The following NPAS2 variants were observed in gnomAD, a reference collection of about 807,000 sequenced individuals.
NPAS2 encodes neuronal PAS domain-containing protein 2.
In NPAS2, 23 loss-of-function variants were observed where a neutral mutation model predicts 107.5. That is an observed-to-expected ratio of 0.21 (90% CI 0.15 to 0.30). The LOEUF (loss-of-function observed/expected upper bound fraction) is 0.30. NPAS2 is among the 10% of genes least tolerant of loss of function. NPAS2 has a pLI of 1.00. For synonymous variants in NPAS2, 403 were observed against 417.5 expected (o/e 0.97, Z 0.42); for missense variants, 756 against 1,043.3 (o/e 0.72, Z 3.79).
At chr2:100,862,083 T>TTTTA in intron 1 of NPAS2, among the ~76,000 whole-genome samples, 3 of 152,174 alleles carry the variant, frequency 2.0e-5, no homozygotes, top group Non-Finnish European at 4.4e-5. Flanking sequence ...TAAAAATAGA[T>TTTTA]TGTGGATAAA....
intron 1 of NPAS2, among the ~76,000 whole-genome samples, chr2:100,895,583 T>A (rs1001787263): frequency 6.6e-6 from 1 of 152,214 alleles, no homozygotes; most frequent in Non-Finnish European, 1.5e-5. Flanking sequence ...GGTGGCTGTC[T>A]GCCAATTCCC....
intron 19 of NPAS2, among the ~76,000 whole-genome samples, chr2:100,992,330 A>G (rs758493243): frequency 1.1e-4 from 17 of 152,152 alleles, no homozygotes; most frequent in Non-Finnish European, 1.8e-4. Context: ...CAGGAGAATC[A>G]CTTGAACTTC....
Position 100,968,228 on chromosome 2 carries a change from G to T in NPAS2, c.908-53G>T. 6.4e-7 allele frequency: 1 copy of T among 1,570,812 alleles called. No homozygotes were observed. Among genetic ancestry groups the T allele is most frequent in the South Asian group, 1.1e-5 (1 of 88,716 alleles). On this transcript the variant is annotated intron_variant, in intron 10 of 20. Transcript: ENST00000335681. The surrounding 1 kb of genome is among the most constrained non-coding windows in gnomAD (Gnocchi z 5.3). ...TCTTTACAATAACTCTTGGGGAAAA[G>T]ATCATTTTCATATTAACATTGGTTA...
chr2:100,921,123 C>T (rs1683199367), intron 2 of NPAS2, among the ~76,000 whole-genome samples: 1 of 152,236 alleles, frequency 6.6e-6, no homozygotes, highest in African/African-American at 2.4e-5. Context: ...ACAGATCCCG[C>T]CACAGTGATT....
chr2:100,842,308 C>G (rs993004606), intron 1 of NPAS2, among the ~76,000 whole-genome samples: 3 of 152,156 alleles, frequency 2.0e-5, no homozygotes, highest in African/African-American at 7.2e-5. Flanking sequence ...ATCCCATCTC[C>G]AAGGAGCTAA....
intron 1 of NPAS2, among the ~76,000 whole-genome samples, chr2:100,889,302 C>G (rs1680908126): frequency 6.6e-6 from 1 of 152,248 alleles, no homozygotes. Flanking sequence ...ATACTCGGCC[C>G]TACATTGCCT....
At position 100,990,480 on chromosome 2, in the gene NPAS2, G is replaced by A. The variant is rs761075769; in HGVS notation, c.2018+34G>A. 5 of 1,606,908 alleles carry A rather than the reference G, an allele frequency of 3.1e-6. No individual in the cohort carries two copies. In the East Asian group the frequency reaches 8.9e-5, roughly 29 times the overall value. On this transcript the variant is annotated intron_variant, in intron 18 of 20. Transcript: ENST00000335681. ...CTGCCCTTGTTTAAAGGATAACCCA[G>A]GCATCATTTTACCCCATTCATTTCA...
At chr2:100,990,471 G>A in intron 18 of NPAS2, 25 bp downstream of exon 18, 1 of 1,611,104 alleles carries the variant, frequency 6.2e-7, no homozygotes, top group East Asian at 2.2e-5. Context: ...TTGTTTAAAG[G>A]ATAACCCAGG....
intron 5 of NPAS2, among the ~76,000 whole-genome samples, chr2:100,939,214 C>T (rs1674424199): frequency 6.6e-6 from 1 of 152,194 alleles, no homozygotes. Flanking sequence ...CCGCTGCCTA[C>T]ATTTTTCTTT....
chr2:100,900,237 A>G (rs1175001826), intron 1 of NPAS2, among the ~76,000 whole-genome samples: 2 of 152,238 alleles, frequency 1.3e-5, no homozygotes, highest in African/African-American at 4.8e-5. Flanking sequence ...ATAAACTTCT[A>G]TGATCAGTAT....
At chr2:100,939,458 C>CTTGATTT (rs1369924999) in intron 5 of NPAS2, among the ~76,000 whole-genome samples, 15 of 152,126 alleles carry the variant, frequency 9.9e-5, no homozygotes, top group Non-Finnish European at 1.9e-4. Flanking sequence ...GCAGCTGCAC[C>CTTGATTT]TTGATTTTCA....
intron 4 of NPAS2, chr2:100,934,300 GCCTGTAGCACAA>G (rs1415541857): frequency 6.7e-6 from 1 of 148,170 alleles, no homozygotes; most frequent in Non-Finnish European, 1.5e-5. Context: ...TTTTTTAAGA[GCCTGTAGCACAA>G]CCTTTTTTTT....
At chr2:100,989,601 T>G (rs577964008) in intron 17 of NPAS2, 18 of 152,334 alleles carry the variant, frequency 1.2e-4, no homozygotes, top group African/African-American at 4.3e-4. Context: ...CCAAAGCAGG[T>G]GCAAGCCCAC....
chr2:100,944,669 A>C (rs1674779006), intron 5 of NPAS2, among the ~76,000 whole-genome samples: 1 of 152,250 alleles, frequency 6.6e-6, no homozygotes, highest in African/African-American at 2.4e-5. Flanking sequence ...GAAGTAGCAT[A>C]ATAGCAATGT....
Position 100,932,945 on chromosome 2 carries a change from C to A in NPAS2, c.217C>A (p.Gln73Lys), listed in dbSNP as rs895884491. Residue 73 changes from glutamine (Q) to lysine (K), a missense_variant, in exon 4 of 21, where the codon CAA becomes AAA. Gln to Lys is a moderately conservative substitution (Grantham distance 53). Transcript: ENST00000335681. ...SAQTEICDIQ[Q>K]DWKPSFLSNE... ...GCAAACGGAAATCTGTGACATTCAG[C>A]AAGACTGGAAGCCTTCATTCCTCAG... The A allele has an allele frequency of 1.9e-6, 3 of 1,613,938 alleles. No individual in the cohort carries two copies. The highest frequency in any genetic ancestry group is 2.7e-5 in the African/African-American group (2 of 74,916).
Position 100,990,851 on chromosome 2 carries a change from G to C in NPAS2, c.2090G>C (p.Ser697Thr), listed in dbSNP as rs1195817301. The C allele has an allele frequency of 1.2e-6, 2 of 1,614,034 alleles. No homozygotes were observed. The highest frequency in any genetic ancestry group is 1.7e-6 in the Non-Finnish European group (2 of 1,180,026). Residue 697 changes from serine (S) to threonine (T), a missense_variant, in exon 19 of 21, where the codon AGC becomes ACC. Physicochemically the swap from Ser to Thr is moderately conservative, Grantham distance 58. This residue lies in a region of NPAS2 where 496 missense variants were observed against 594.4 expected (regional missense o/e 0.83). Coordinates refer to ENST00000335681, the MANE Select transcript of NPAS2 (RefSeq NM_002518.4). ...GACGCAAGGCAGCCCTCGGAAGTCA[G>C]CAGGACGGGACGGCAAGTCAAGTAC... ...SCDARQPSEV[S>T]RTGRQVKYAQ... is the part of the protein sequence containing the mutation.
At chr2:100,904,846 C>A in intron 2 of NPAS2, 60 bp downstream of exon 2, 2 of 1,251,656 alleles carry the variant, frequency 1.6e-6, no homozygotes, top group Non-Finnish European at 1.2e-6. Context: ...GTCTGCCTGG[C>A]AGAATCTCGC....
At position 100,878,556 on chromosome 2, in the gene NPAS2, G is replaced by A. The variant is rs76056642; in HGVS notation, c.-22-26177G>A. ...TCTAAAGGAACACCTGGTTTTAACCGTCAACTGAAATGGCCGTGTGTGGTA... is the reference window on the plus strand; with the variant it reads ...TCTAAAGGAACACCTGGTTTTAACCATCAACTGAAATGGCCGTGTGTGGTA... On this transcript the variant is annotated intron_variant, in intron 1 of 20. Coordinates refer to ENST00000335681, the MANE Select transcript of NPAS2 (RefSeq NM_002518.4). 14 of 985,382 alleles carry A rather than the reference G, an allele frequency of 1.4e-5. No homozygotes were observed. In the East Asian group the frequency reaches 4.5e-4, roughly 32 times the overall value. 61.0% of individuals were successfully genotyped at this position (985,382 alleles called of 1,614,324 possible).
chr2:100,852,333 C>G (rs1213393067), intron 1 of NPAS2, among the ~76,000 whole-genome samples: 1 of 152,056 alleles, frequency 6.6e-6, no homozygotes, highest in East Asian at 1.9e-4. Flanking sequence ...GGAGGCAGAG[C>G]TTGCAGTGAG....
Sources: allele counts gnomAD v4.1 joint callset (sites outside exome capture counted in the v4.1 genomes callset), GRCh38; gene constraint gnomAD v4.1.1; regional missense constraint gnomAD v4.1.1; non-coding constraint Gnocchi (gnomAD v3.1); transcripts MANE v1.5; gene names NCBI Gene and HGNC (gene_info 2026-07-23, HGNC 2026-07-21).